Variants in RIMS2 observed in about 807,000 individuals in gnomAD.
RIMS2 encodes regulating synaptic membrane exocytosis 2, also known as regulating synaptic membrane exocytosis protein 2.
RIMS2 carries 59 observed loss-of-function variants against 174.4 expected under a neutral mutation model. The ratio of observed to expected loss-of-function variants is 0.34; its 90% CI spans 0.27 to 0.42. The LOEUF (loss-of-function observed/expected upper bound fraction) is 0.42, where lower values mean the gene tolerates loss of function less well. RIMS2 is among the 10% of genes least tolerant of loss of function. The pLI, the probability that RIMS2 is intolerant of heterozygous loss-of-function variation, is 1.00. For synonymous variants in RIMS2, 606 were observed against 572.5 expected (o/e 1.06, Z -0.84); for missense variants, 1,620 against 1,666.3 (o/e 0.97, Z 0.48).
intron 19 of RIMS2, among the ~76,000 whole-genome samples, chr8:104,227,211 CTT>C (rs55927938): frequency 1.1e-4 from 14 of 126,700 alleles, no homozygotes; most frequent in Non-Finnish European, 1.8e-4. Context: ...ACTTGGAGCT[CTT>C]TTTTTTTTTT....
At chr8:103,940,592 A>C (rs1157585579) in intron 13 of RIMS2, among the ~76,000 whole-genome samples, 4 of 152,150 alleles carry the variant, frequency 2.6e-5, no homozygotes, top group Non-Finnish European at 4.4e-5. Context: ...AAGGAACCAA[A>C]GAGTGGTAAA....
At chr8:104,107,910 AG>A (rs1391968815) in intron 19 of RIMS2, among the ~76,000 whole-genome samples, 2 of 152,226 alleles carry the variant, frequency 1.3e-5, no homozygotes, top group Admixed American at 1.3e-4. Flanking sequence ...TCTGGGCAAC[AG>A]AGAGAGATCC....
At chr8:104,239,509 TAC>T (rs143944632) in intron 19 of RIMS2, among the ~76,000 whole-genome samples, 1,642 of 150,236 alleles carry the variant, frequency 0.011, 24 homozygotes, top group African/African-American at 0.036. Flanking sequence ...GATGTCTCAA[TAC>T]ACACACACAC....
intron 17 of RIMS2, among the ~76,000 whole-genome samples, chr8:103,993,529 T>A (rs1405367789): frequency 6.6e-6 from 1 of 152,218 alleles, no homozygotes. Flanking sequence ...GTCTCTTTTT[T>A]CCTTTCAGTT....
At chr8:103,917,734 G>A (rs2076878583) in intron 8 of RIMS2, among the ~76,000 whole-genome samples, 1 of 152,052 alleles carries the variant, frequency 6.6e-6, no homozygotes, top group Non-Finnish European at 1.5e-5. Context: ...CATTTTAAAA[G>A]TTTCCGGTGG....
At chr8:103,560,345 C>T (rs1048439130) in intron 1 of RIMS2, among the ~76,000 whole-genome samples, 1 of 152,002 alleles carries the variant, frequency 6.6e-6, no homozygotes, top group Admixed American at 6.6e-5. Flanking sequence ...CCATTGCACT[C>T]CAGCCTGGGT....
chr8:103,913,999 A>G (rs1002558486), intron 6 of RIMS2, among the ~76,000 whole-genome samples: 1 of 152,182 alleles, frequency 6.6e-6, no homozygotes, highest in African/African-American at 2.4e-5. Flanking sequence ...CAACCTGAGC[A>G]TTTTATATCT....
intron 3 of RIMS2, among the ~76,000 whole-genome samples, chr8:103,785,547 G>A (rs2098435687): frequency 6.6e-6 from 1 of 152,068 alleles, no homozygotes; most frequent in African/African-American, 2.4e-5. Flanking sequence ...TTTGTCTTTG[G>A]TTCTGTTTAT....
chr8:103,565,846 G>T (rs1249001956), intron 1 of RIMS2, among the ~76,000 whole-genome samples: 1 of 152,212 alleles, frequency 6.6e-6, no homozygotes, highest in African/African-American at 2.4e-5. Context: ...TCAAGGACGA[G>T]TCAAAGCAAA....
intron 23 of RIMS2, 97 bp downstream of exon 29, chr8:104,251,260 C>A: frequency 9.3e-7 from 1 of 1,071,408 alleles, no homozygotes. Context: ...TTTTATGTTC[C>A]TCACAAAGGA....
chr8:104,038,262 A>G (rs751189005), intron 19 of RIMS2, among the ~76,000 whole-genome samples: 12 of 151,972 alleles, frequency 7.9e-5, no homozygotes, highest in Non-Finnish European at 1.6e-4. Flanking sequence ...TTGTGAAAAT[A>G]TTTTATTTTG....
chr8:103,849,622 G>A (rs2098986748), intron 3 of RIMS2, among the ~76,000 whole-genome samples: 1 of 151,974 alleles, frequency 6.6e-6, no homozygotes, highest in African/African-American at 2.4e-5. Context: ...ACCATACCTG[G>A]GGAGGGAATA....
At chr8:103,880,245 A>G (rs1428387831) in intron 3 of RIMS2, among the ~76,000 whole-genome samples, 1 of 151,676 alleles carries the variant, frequency 6.6e-6, no homozygotes, top group African/African-American at 2.4e-5. Flanking sequence ...GGTGATTTAT[A>G]AATTTCTAAA....
chr8:103,601,991 T>A (rs1283857958), intron 1 of RIMS2, among the ~76,000 whole-genome samples: 3 of 152,154 alleles, frequency 2.0e-5, no homozygotes, highest in Non-Finnish European at 4.4e-5. Context: ...TTATTTATTT[T>A]TTTGAGATGG....
intron 1 of RIMS2, among the ~76,000 whole-genome samples, chr8:103,628,369 T>G (rs2095836607): frequency 6.6e-6 from 1 of 151,128 alleles, no homozygotes; most frequent in South Asian, 2.1e-4. Context: ...TTTTTTTTTT[T>G]TGAATCAGAA....
intron 1 of RIMS2, among the ~76,000 whole-genome samples, chr8:103,688,518 G>A (rs1272793591): frequency 6.6e-6 from 1 of 151,940 alleles, no homozygotes; most frequent in Non-Finnish European, 1.5e-5. Flanking sequence ...TTGGTTGCTA[G>A]TATTTGGTTT....
intron 19 of RIMS2, among the ~76,000 whole-genome samples, chr8:104,181,682 G>A (rs560213941): frequency 6.6e-6 from 1 of 151,606 alleles, no homozygotes; most frequent in African/African-American, 2.4e-5. Flanking sequence ...ACTCTAAGGG[G>A]AAAAGAGTAT....
At chr8:104,035,383 G>A (rs2096492571) in intron 19 of RIMS2, among the ~76,000 whole-genome samples, 1 of 151,696 alleles carries the variant, frequency 6.6e-6, no homozygotes, top group East Asian at 1.9e-4. Flanking sequence ...ATATTTTAAT[G>A]TGTACATAAG....
intron 1 of RIMS2, among the ~76,000 whole-genome samples, chr8:103,557,785 A>C (rs1167942875): frequency 6.6e-6 from 1 of 152,178 alleles, no homozygotes; most frequent in East Asian, 1.9e-4. Context: ...TTCAGTTATA[A>C]TTTAGGCCTA....
Sources: gnomAD v4.1 joint callset for allele counts (sites outside exome capture counted in the v4.1 genomes callset) on GRCh38, gnomAD v4.1.1 for gene constraint, MANE v1.5 for transcripts, NCBI Gene and HGNC (gene_info 2026-07-23, HGNC 2026-07-21) for gene names.